MED27: variants seen among roughly 807,000 people sequenced by gnomAD.
The protein encoded by MED27 is mediator complex subunit 27, also known as mediator of RNA polymerase II transcription subunit 27.
In MED27, 30 loss-of-function variants were observed where a neutral mutation model predicts 38.2. The ratio of observed to expected loss-of-function variants is 0.79; its 90% confidence interval spans 0.59 to 1.07. MED27 has a LOEUF of 1.07. Ranked by LOEUF, MED27 falls within the 50% of genes least tolerant of loss-of-function variation. The probability of loss-of-function intolerance (pLI) is 0.00; values close to 1 mark genes in which losing one functional copy is unlikely to be tolerated. For missense variants in MED27, 289 were observed against 397.5 expected (o/e 0.73, Z 2.32); for synonymous variants, 122 against 153.5 (o/e 0.79, Z 1.52).
At chr9:131,869,867 A>T (rs979191008) in intron 6 of MED27, among the ~76,000 whole-genome samples, 17 of 152,132 alleles carry the variant, frequency 1.1e-4, no homozygotes, top group Admixed American at 1.0e-3. Flanking sequence ...GAGAAGGGTG[A>T]CATCTCCATT....
chr9:132,077,000 C>T (rs1335248609), intron 2 of MED27, among the ~76,000 whole-genome samples: 1 of 152,218 alleles, frequency 6.6e-6, no homozygotes, highest in Non-Finnish European at 1.5e-5. Context: ...TAGTGATGCT[C>T]ATCCATCTGT....
chr9:132,077,344 T>C, intron 2 of MED27, 98 bp downstream of exon 2: 1 of 1,218,106 alleles, frequency 8.2e-7, no homozygotes, highest in Non-Finnish European at 1.2e-6. Context: ...ATCAAGAACA[T>C]AAAAAGCAAT....
intron 2 of MED27, among the ~76,000 whole-genome samples, chr9:132,071,243 GTGGTCAGGCTCTGGAGCCTACGCTCTGAA>G (rs1341220290): frequency 7.2e-5 from 11 of 152,172 alleles, no homozygotes. Context: ...GTGAGCCAGA[GTGGTCAGGCTCTGGAGCCTACGCTCTGAA>G]CCACCGAGCA....
chr9:131,879,024 G>A (rs1456947678), intron 6 of MED27, among the ~76,000 whole-genome samples: 2 of 152,150 alleles, frequency 1.3e-5, no homozygotes, highest in Admixed American at 1.3e-4. Flanking sequence ...TTGGGTAAGG[G>A]GTCTAATGAG....
intron 2 of MED27, among the ~76,000 whole-genome samples, chr9:132,036,095 G>T (rs1833069817): frequency 1.3e-5 from 2 of 152,244 alleles, no homozygotes; most frequent in East Asian, 3.9e-4. Flanking sequence ...GAAAAAGCAA[G>T]AAAACAAAAA....
intron 3 of MED27, among the ~76,000 whole-genome samples, chr9:131,961,034 G>C (rs1831204374): frequency 6.6e-6 from 1 of 152,218 alleles, no homozygotes; most frequent in East Asian, 1.9e-4. Context: ...GCCTCATTAT[G>C]AGTGGAATTA....
intron 3 of MED27, among the ~76,000 whole-genome samples, chr9:131,946,970 T>C (rs1270890895): frequency 1.3e-5 from 2 of 152,186 alleles, no homozygotes; most frequent in African/African-American, 4.8e-5. Flanking sequence ...TGTCATTAAA[T>C]AATTTTTTGA....
At chr9:131,952,133 C>T (rs1266967557) in intron 3 of MED27, among the ~76,000 whole-genome samples, 1 of 152,210 alleles carries the variant, frequency 6.6e-6, no homozygotes, top group African/African-American at 2.4e-5. Flanking sequence ...CATCAACAAG[C>T]CTTTTTCCTC....
chr9:132,049,504 T>A (rs1833415558), intron 2 of MED27, among the ~76,000 whole-genome samples: 1 of 152,032 alleles, frequency 6.6e-6, no homozygotes, highest in South Asian at 2.1e-4. Flanking sequence ...TAGAGCCCAG[T>A]GGGGAGGAGG....
In MED27 at chr9:131,950,163, C is replaced by A. The variant is rs73658160; in HGVS notation, c.480-10689G>T. ...TACGAGAGAGAAAAAAGAAAAAAAA[C>A]CCCTAATAATAAAACACCTGTGTTG... On this transcript the variant is annotated intron_variant, in intron 3 of 7. Coordinates refer to ENST00000292035, the MANE Select transcript of MED27 (RefSeq NM_004269.4). Among the ~76,000 whole-genome samples the A allele has an allele frequency of 9.8e-3, 1,495 of 152,170 alleles. 23 individuals are homozygous for A. The highest frequency in any genetic ancestry group is 0.032 in the African/African-American group (1,333 of 41,490).
intron 2 of MED27, among the ~76,000 whole-genome samples, chr9:132,021,896 G>A (rs761671415): frequency 1.6e-4 from 25 of 152,132 alleles, no homozygotes; most frequent in Non-Finnish European, 2.9e-4. Flanking sequence ...CAGGAAAAGA[G>A]CCCTCACCAG....
chr9:131,984,239 C>T (rs971106620), intron 3 of MED27, among the ~76,000 whole-genome samples: 8 of 152,160 alleles, frequency 5.3e-5, no homozygotes, highest in Non-Finnish European at 1.2e-4. Flanking sequence ...CCACTTTCCC[C>T]GATAGCACTA....
At chr9:132,071,872 G>T (rs577247242) in intron 2 of MED27, among the ~76,000 whole-genome samples, 1 of 151,358 alleles carries the variant, frequency 6.6e-6, no homozygotes, top group South Asian at 2.1e-4. Flanking sequence ...ACACACACAC[G>T]CATAACACGC....
At chr9:131,908,251 G>A (rs1219685636) in intron 4 of MED27, among the ~76,000 whole-genome samples, 1 of 147,610 alleles carries the variant, frequency 6.8e-6, no homozygotes, top group Admixed American at 6.7e-5. Context: ...CGGGAGGGAG[G>A]TGGGGGGGTC....
intron 2 of MED27, among the ~76,000 whole-genome samples, chr9:132,014,962 A>C (rs1832570113): frequency 6.6e-6 from 1 of 152,224 alleles, no homozygotes; most frequent in Admixed American, 6.5e-5. Flanking sequence ...TTTTAATAAG[A>C]AAATCCAGAG....
At chr9:132,009,503 A>G (rs1280090951) in intron 3 of MED27, among the ~76,000 whole-genome samples, 1 of 152,218 alleles carries the variant, frequency 6.6e-6, no homozygotes, top group Admixed American at 6.5e-5. Flanking sequence ...AGGAGCCAGA[A>G]GCCATGTCAT....
intron 4 of MED27, among the ~76,000 whole-genome samples, chr9:131,902,833 T>G (rs906319528): frequency 5.3e-5 from 8 of 152,236 alleles, no homozygotes; most frequent in African/African-American, 1.7e-4. Context: ...ATTTAGGGTC[T>G]GTTTGCCAAC....
At chr9:132,014,309 A>G (rs755793899) in intron 3 of MED27, 28 bp downstream of exon 3, 2 of 1,603,238 alleles carry the variant, frequency 1.2e-6, no homozygotes, top group African/African-American at 2.7e-5. Context: ...ACCCAGTACT[A>G]AAGTAATTTT....
intron 2 of MED27, among the ~76,000 whole-genome samples, chr9:132,053,272 A>C (rs1010087064): frequency 5.9e-5 from 9 of 151,592 alleles, no homozygotes; most frequent in Admixed American, 4.6e-4. Flanking sequence ...AAAAAAAAGA[A>C]AAAGAAAGGG....
Sources: allele counts gnomAD v4.1 joint callset (sites outside exome capture counted in the v4.1 genomes callset), GRCh38; gene constraint gnomAD v4.1.1; transcripts MANE v1.5; gene names NCBI Gene and HGNC (gene_info 2026-07-23, HGNC 2026-07-21).